ABHD16A: variants seen among roughly 807,000 people sequenced by gnomAD.
The protein encoded by ABHD16A is phosphatidylserine lipase ABHD16A.
A neutral mutation model predicts 89.8 loss-of-function variants in ABHD16A; 47 were observed. The observed-to-expected ratio is 0.52, with a 90% CI of 0.41 to 0.67. The LOEUF (loss-of-function observed/expected upper bound fraction) is 0.67. ABHD16A is among the 30% of genes least tolerant of loss of function. The pLI, the probability that ABHD16A is intolerant of heterozygous loss-of-function variation, is 0.00. For synonymous variants in ABHD16A, 251 were observed against 280.4 expected (o/e 0.90, Z 1.05); for missense variants, 580 against 734.6 (o/e 0.79, Z 2.43).
chr6:31,697,225 C>T (rs1234234173), intron 4 of ABHD16A, among the ~76,000 whole-genome samples, 192 bp from the exon 5 acceptor site: 3 of 152,226 alleles, frequency 2.0e-5, no homozygotes, highest in Non-Finnish European at 4.4e-5. Flanking sequence ...CAACTGGCTA[C>T]AGGACGCTTC....
In ABHD16A at chr6:31,693,367, G is replaced by A; in HGVS notation, c.495C>T (p.Pro165=). The change falls in exon 6 of 20, where the codon CCC becomes CCT. Residue 165 remains proline, a synonymous_variant. Coordinates refer to ENST00000395952, the MANE Select transcript of ABHD16A (RefSeq NM_021160.3). This position sits in a 1 kb window ranked among gnomAD's most constrained non-coding sequence, Gnocchi z 5.0. The part of the protein sequence containing the change: ...SWPVDFHWEE[P]SSRKESRGGP... ...AAGAACTGGGGCCTCACCGGCTGCT[G>A]GGTTCTTCCCAGTGGAAGTCGACTG... 3.7e-6 allele frequency: 6 copies of A among 1,613,090 alleles called. No individual in the cohort carries two copies. Among genetic ancestry groups the A allele is most frequent in the Non-Finnish European group, 5.1e-6 (6 of 1,180,026 alleles).
At position 31,701,011 on chromosome 6, in the gene ABHD16A, T is replaced by C; in HGVS notation, c.274A>G (p.Lys92Glu). Residue 92 changes from lysine (K) to glutamate (E), a missense_variant, in exon 4 of 20, where the codon AAA (lysine) becomes GAA (glutamate). Coordinates refer to ENST00000395952, the MANE Select transcript of ABHD16A (RefSeq NM_021160.3). ...GCATAGTGAGAAAACGGCACCACTTTGGACAAACTCAAGTAACCTGGGAAG... is the reference window on the plus strand; with the variant it reads ...GCATAGTGAGAAAACGGCACCACTTCGGACAAACTCAAGTAACCTGGGAAG... ...LYRKGYLSLSKVVPFSHYAGT... is the reference protein window; with the variant it reads ...LYRKGYLSLSEVVPFSHYAGT... The C allele has an allele frequency of 6.2e-7, 1 of 1,613,862 alleles. No individual in the cohort carries two copies. Among genetic ancestry groups the C allele is most frequent in the Non-Finnish European group, 8.5e-7 (1 of 1,179,890 alleles).
At chr6:31,696,254 C>T (rs1464149726) in intron 5 of ABHD16A, among the ~76,000 whole-genome samples, 5 of 151,838 alleles carry the variant, frequency 3.3e-5, no homozygotes, top group Non-Finnish European at 7.4e-5. Flanking sequence ...TTGTTTGAAC[C>T]CGGGAGTTGG....
chr6:31,689,789 C>A (rs1803682016), intron 11 of ABHD16A, 85 bp from the exon 12 acceptor site: 1 of 1,519,342 alleles, frequency 6.6e-7, no homozygotes, highest in Admixed American at 2.1e-5. Context: ...CCTCCTGCAG[C>A]CACCTATGAC....
In ABHD16A at chr6:31,698,958, T is replaced by G. The variant is rs1804642813; in HGVS notation, c.344-1925A>C. 6.6e-6 allele frequency among the ~76,000 whole-genome samples: 1 copy of G among 152,178 alleles called. No individual in the cohort carries two copies. The highest frequency in any genetic ancestry group is 6.6e-5 in the Admixed American group (1 of 15,264). ...TTTTTAAATTGCGAGATACAACATA[T>G]GTACATAAAACATATATTCAGTTTA... On this transcript the variant is annotated intron_variant, in intron 4 of 19. Coordinates refer to ENST00000395952, the MANE Select transcript of ABHD16A (RefSeq NM_021160.3). This position sits in a 1 kb window ranked among gnomAD's most constrained non-coding sequence, Gnocchi z 4.1.
chr6:31,703,057 C>A, intron 1 of ABHD16A, 93 bp downstream of exon 1: 1 of 1,370,518 alleles, frequency 7.3e-7, no homozygotes, highest in East Asian at 2.7e-5. Context: ...AGCAGGCTCC[C>A]CTTATTTCCC....
intron 12 of ABHD16A, among the ~76,000 whole-genome samples, 183 bp downstream of exon 12, chr6:31,689,398 C>T (rs1312981601): frequency 6.6e-6 from 1 of 152,136 alleles, no homozygotes; most frequent in Non-Finnish European, 1.5e-5. Flanking sequence ...TGACTGGGCA[C>T]AAGAGGGGAA....
chr6:31,697,417 T>C (rs805274), intron 4 of ABHD16A, among the ~76,000 whole-genome samples: 57,182 of 152,030 alleles, frequency 0.38, 11,839 homozygotes, highest in African/African-American at 0.55. Flanking sequence ...TTCACTGCCA[T>C]TCTTCTCCAA....
In ABHD16A at chr6:31,688,578, C is replaced by A; in HGVS notation, c.1250+145G>T. ...CCAGGGGACCTGGGAGGGGTTAGGC[C>A]AGTTGAGGTGGTGGCAGGGTCACTC... On this transcript the variant is annotated intron_variant, in intron 14 of 19. Transcript: ENST00000395952. The surrounding 1 kb of genome is among the most constrained non-coding windows in gnomAD (Gnocchi z 4.9). 9.8e-7 allele frequency: 1 copy of A among 1,016,312 alleles called. No homozygotes were observed. The highest frequency in any genetic ancestry group is 1.5e-5 in the South Asian group (1 of 66,084). 63.0% of individuals were successfully genotyped at this position (1,016,312 alleles called of 1,614,324 possible). A position where few individuals can be genotyped will look rare whatever the true frequency, so the allele number is the denominator to read the frequency against.
Position 31,693,237 on chromosome 6 carries a change from G to T in ABHD16A, c.504-88C>A. ...CTGGAGAACAGTGGGGTCTAGGAACGACATAATGGCATTGGAAGGCAGGCA... is the reference window on the plus strand; with the variant it reads ...CTGGAGAACAGTGGGGTCTAGGAACTACATAATGGCATTGGAAGGCAGGCA... On this transcript the variant is annotated intron_variant, in intron 6 of 19. Coordinates refer to ENST00000395952, the MANE Select transcript of ABHD16A (RefSeq NM_021160.3). The surrounding 1 kb of genome is among the most constrained non-coding windows in gnomAD (Gnocchi z 5.0). 6.3e-7 allele frequency: 1 copy of T among 1,586,402 alleles called. No homozygotes were observed. The highest frequency in any genetic ancestry group is 8.6e-7 in the Non-Finnish European group (1 of 1,161,638).
intron 1 of ABHD16A, chr6:31,702,839 G>A (rs1261831961): frequency 1.1e-5 from 15 of 1,391,170 alleles, no homozygotes; most frequent in Non-Finnish European, 1.4e-5. Flanking sequence ...TCCGCGCAGG[G>A]TCTCTTCCCG....
At position 31,688,748 on chromosome 6, in the gene ABHD16A, G is replaced by A. The variant is rs1803551640; in HGVS notation, c.1225C>T (p.Leu409=). ...CTGCACAGCTGCTCCGCGTTGTTTA[G>A]ATTGAGATGCTGCCTCACGGTCCTG... ...VTRTVRQHLN[L]NNAEQLCRYQ... The change falls in exon 14 of 20, where the codon CTA becomes TTA. Residue 409 remains leucine, a synonymous_variant. Coordinates refer to ENST00000395952, the MANE Select transcript of ABHD16A (RefSeq NM_021160.3). The surrounding 1 kb of genome is among the most constrained non-coding windows in gnomAD (Gnocchi z 4.9). The A allele has an allele frequency of 1.2e-6, 2 of 1,613,058 alleles. No individual in the cohort carries two copies. Among genetic ancestry groups the A allele is most frequent in the East Asian group, 4.5e-5 (2 of 44,886 alleles).
chr6:31,699,213 T>C (rs1665819188), intron 4 of ABHD16A, among the ~76,000 whole-genome samples: 1 of 151,944 alleles, frequency 6.6e-6, no homozygotes, highest in Non-Finnish European at 1.5e-5. Context: ...GAGACCATCC[T>C]GGCTAACACG....
intron 2 of ABHD16A, 25 bp from the exon 3 acceptor site, chr6:31,701,365 C>T: frequency 6.5e-7 from 1 of 1,544,778 alleles, no homozygotes; most frequent in East Asian, 2.3e-5. Context: ...CAGGGACAGG[C>T]AATCAATACA....
In ABHD16A at chr6:31,687,406, T is replaced by G; in HGVS notation, c.1593+92A>C. On this transcript the variant is annotated intron_variant, in intron 19 of 19. Transcript: ENST00000395952. The surrounding 1 kb of genome is among the most constrained non-coding windows in gnomAD (Gnocchi z 6.3). ...CATCCACCACCCACTCTACAAAAGCTGCCACTTCCAATGCTTATAGGGTAT... is the reference window on the plus strand; with the variant it reads ...CATCCACCACCCACTCTACAAAAGCGGCCACTTCCAATGCTTATAGGGTAT... The G allele has an allele frequency of 1.9e-6, 3 of 1,605,346 alleles. No individual in the cohort carries two copies. Among genetic ancestry groups the G allele is most frequent in the Non-Finnish European group, 2.6e-6 (3 of 1,173,226 alleles).
chr6:31,689,870 G>A (rs1803696715), intron 11 of ABHD16A, among the ~76,000 whole-genome samples, 166 bp from the exon 12 acceptor site: 1 of 152,214 alleles, frequency 6.6e-6, no homozygotes, highest in Non-Finnish European at 1.5e-5. Flanking sequence ...TGTGTACAAT[G>A]AGATCTACCT....
At chr6:31,696,305 TGAGTAA>T (rs1804387577) in intron 5 of ABHD16A, among the ~76,000 whole-genome samples, 1 of 149,500 alleles carries the variant, frequency 6.7e-6, no homozygotes, top group Non-Finnish European at 1.5e-5. Flanking sequence ...TACTCCAGCC[TGAGTAA>T]GAGTGAGACT....
In ABHD16A at chr6:31,688,681, T is replaced by C. The variant is rs759049909; in HGVS notation, c.1250+42A>G. Reference sequence around the variant, plus strand: ...GGTTTGAGCGCCCAGCAGAGCTGTATGGGGGGCAGGTGTTCAATGCCGGAC... The same window carrying C: ...GGTTTGAGCGCCCAGCAGAGCTGTACGGGGGGCAGGTGTTCAATGCCGGAC... On this transcript the variant is annotated intron_variant, in intron 14 of 19. Transcript: ENST00000395952. The surrounding 1 kb of genome is among the most constrained non-coding windows in gnomAD (Gnocchi z 4.9). The C allele has an allele frequency of 1.1e-5, 17 of 1,608,414 alleles. No homozygotes were observed. The highest frequency in any genetic ancestry group is 1.3e-5 in the Non-Finnish European group (15 of 1,176,632).
In ABHD16A at chr6:31,698,849, C is replaced by T. The variant is rs1397137713; in HGVS notation, c.344-1816G>A. 6.6e-6 allele frequency among the ~76,000 whole-genome samples: 1 copy of T among 152,108 alleles called. No individual in the cohort carries two copies. The highest frequency in any genetic ancestry group is 1.5e-5 in the Non-Finnish European group (1 of 68,020). On this transcript the variant is annotated intron_variant, in intron 4 of 19. Transcript: ENST00000395952. The surrounding 1 kb of genome is among the most constrained non-coding windows in gnomAD (Gnocchi z 4.1). The stretch of plus-strand genomic sequence containing the variant: ...AACTGCGACCATCCAGCCCTGACCC[C>T]ACCACCCCCATGTTGAAGCATCGCC...
Sources: allele counts gnomAD v4.1 joint callset (sites outside exome capture counted in the v4.1 genomes callset), GRCh38; gene constraint gnomAD v4.1.1; non-coding constraint Gnocchi (gnomAD v3.1); transcripts MANE v1.5; gene names NCBI Gene and HGNC (gene_info 2026-07-23, HGNC 2026-07-21).